ARB2A: variants seen among roughly 807,000 people sequenced by gnomAD.
ARB2A encodes the protein cotranscriptional regulator ARB2A.
the ARB2A span, among the ~76,000 whole-genome samples, chr5:93,712,113 T>C: frequency 6.6e-6 from 1 of 152,212 alleles, no homozygotes; most frequent in African/African-American, 2.4e-5. Context: ...GAATAGGCTC[T>C]GTAACTCAAA....
At chr5:93,937,916 T>C in the ARB2A span, among the ~76,000 whole-genome samples, 19 of 152,198 alleles carry the variant, frequency 1.2e-4, no homozygotes, top group Non-Finnish European at 2.4e-4. Flanking sequence ...AAAGTCTGTA[T>C]ATATTTAGTA....
the ARB2A span, among the ~76,000 whole-genome samples, chr5:94,068,638 C>T: frequency 1.3e-5 from 2 of 152,152 alleles, no homozygotes; most frequent in South Asian, 4.1e-4. Context: ...TGCCTTTAGC[C>T]TAATTTGTAT....
chr5:94,024,563 C>T, the ARB2A span, among the ~76,000 whole-genome samples: 3 of 152,068 alleles, frequency 2.0e-5, no homozygotes, highest in Admixed American at 6.6e-5. Context: ...CTCCCCAGCC[C>T]GCCACCCCAC....
chr5:93,723,655 A>T, the ARB2A span, among the ~76,000 whole-genome samples: 3 of 152,102 alleles, frequency 2.0e-5, no homozygotes, highest in African/African-American at 7.2e-5. Context: ...GTGGCTGGTG[A>T]TGTCATATAC....
chr5:93,641,712 C>A, the ARB2A span, among the ~76,000 whole-genome samples: 1 of 152,052 alleles, frequency 6.6e-6, no homozygotes, highest in Non-Finnish European at 1.5e-5. Context: ...ACAATGGGGG[C>A]TAACAAATGA....
the ARB2A span, among the ~76,000 whole-genome samples, chr5:93,727,913 C>T: frequency 1.3e-5 from 2 of 151,934 alleles, no homozygotes; most frequent in South Asian, 4.1e-4. Context: ...GTCTGCATGA[C>T]TTGGGGGAAA....
the ARB2A span, chr5:93,958,732 G>C: frequency 7.5e-7 from 1 of 1,328,828 alleles, no homozygotes; most frequent in Non-Finnish European, 1.0e-6. Context: ...TAATAAAACA[G>C]TACTATAAAA....
At chr5:94,078,117 T>C in the ARB2A span, among the ~76,000 whole-genome samples, 1 of 152,244 alleles carries the variant, frequency 6.6e-6, no homozygotes, top group African/African-American at 2.4e-5. Flanking sequence ...TTTGTTTGTT[T>C]TTAGTCAGGT....
chr5:93,923,401 T>G, the ARB2A span, among the ~76,000 whole-genome samples: 1 of 152,176 alleles, frequency 6.6e-6, no homozygotes, highest in African/African-American at 2.4e-5. Context: ...AACTCCTGCA[T>G]TTTTAAAGAG....
the ARB2A span, chr5:93,824,187 GA>G: frequency 1.3e-6 from 2 of 1,595,564 alleles, no homozygotes; most frequent in Admixed American, 1.7e-5. Flanking sequence ...TGTGAGCAAC[GA>G]AAAACACATT....
At chr5:93,828,104 G>A in the ARB2A span, among the ~76,000 whole-genome samples, 2 of 152,144 alleles carry the variant, frequency 1.3e-5, no homozygotes, top group Non-Finnish European at 2.9e-5. Context: ...GAACTTTAAA[G>A]TAGTTTTTTT....
chr5:93,855,359 T>C, the ARB2A span, among the ~76,000 whole-genome samples: 2 of 152,092 alleles, frequency 1.3e-5, no homozygotes, highest in Non-Finnish European at 2.9e-5. Flanking sequence ...TGTCTCTGCA[T>C]GTGAGATGGG....
chr5:93,781,281 T>A, the ARB2A span, among the ~76,000 whole-genome samples: 1 of 152,366 alleles, frequency 6.6e-6, no homozygotes, highest in African/African-American at 2.4e-5. Context: ...TTTCTGTTTC[T>A]GAGTGATTTC....
At chr5:93,987,862 G>T in the ARB2A span, among the ~76,000 whole-genome samples, 1 of 152,098 alleles carries the variant, frequency 6.6e-6, no homozygotes, top group Non-Finnish European at 1.5e-5. Flanking sequence ...TCTCCTCCTA[G>T]TGATTTTTCA....
the ARB2A span, among the ~76,000 whole-genome samples, chr5:94,070,559 C>T: frequency 2.6e-5 from 4 of 151,968 alleles, no homozygotes; most frequent in South Asian, 6.2e-4. Flanking sequence ...CTAACTTGAA[C>T]ATTACACATT....
the ARB2A span, among the ~76,000 whole-genome samples, chr5:93,938,889 T>C: frequency 2.0e-5 from 3 of 152,216 alleles, no homozygotes; most frequent in Non-Finnish European, 2.9e-5. Context: ...AAAAAAGCAA[T>C]ACTTTTTAAG....
chr5:93,698,941 C>T, the ARB2A span, among the ~76,000 whole-genome samples: 1 of 152,254 alleles, frequency 6.6e-6, no homozygotes, highest in South Asian at 2.1e-4. Flanking sequence ...TTCCAGGTTA[C>T]AGGAGATAGA....
the ARB2A span, among the ~76,000 whole-genome samples, chr5:93,795,155 A>G: frequency 5.9e-5 from 9 of 151,984 alleles, no homozygotes; most frequent in Non-Finnish European, 1.3e-4. Context: ...GGCTGTGTTT[A>G]CCAGTCCAGT....
the ARB2A span, among the ~76,000 whole-genome samples, chr5:94,077,660 GAT>G: frequency 6.6e-6 from 1 of 152,130 alleles, no homozygotes. Context: ...TGGCACATTT[GAT>G]ATATATTAAT....
Sources: gnomAD v4.1 joint callset for allele counts (sites outside exome capture counted in the v4.1 genomes callset) on GRCh38, gnomAD v4.1.1 for gene constraint, MANE v1.5 for transcripts, NCBI Gene and HGNC (gene_info 2026-07-23, HGNC 2026-07-21) for gene names.